CYP1A2: variants seen among roughly 807,000 people sequenced by gnomAD.
CYP1A2 encodes the protein cytochrome P450 family 1 subfamily A member 2.
Under a neutral mutation model 34.7 loss-of-function variants are expected in CYP1A2, and 35 were observed. That is an observed-to-expected ratio of 1.01 (90% CI 0.77 to 1.34). CYP1A2 has a LOEUF of 1.34. Ranked by LOEUF, CYP1A2 falls within the 40% of genes most tolerant of loss-of-function variation. CYP1A2 has a pLI of 0.00. For missense variants in CYP1A2, 675 were observed against 675.8 expected (o/e 1.00, Z 0.01); for synonymous variants, 288 against 281.9 (o/e 1.02, Z -0.22).
chr15:74,750,666 C>T (rs1262942023), intron 2 of CYP1A2, 97 bp downstream of exon 2: 3 of 1,087,150 alleles, frequency 2.8e-6, no homozygotes, highest in Non-Finnish European at 4.0e-6. Flanking sequence ...GCTGTGTTGC[C>T]AAGGCCTAGG....
intron 6 of CYP1A2, among the ~76,000 whole-genome samples, chr15:74,754,252 A>G (rs1478879302): frequency 6.6e-6 from 1 of 151,878 alleles, no homozygotes; most frequent in African/African-American, 2.4e-5. Context: ...TTTAAAGTAA[A>G]TTAATATTAA....
rs1567204937 is a variant in CYP1A2, at chr15:74,749,906, C to T, written c.168C>T (p.Thr56=). The T allele has an allele frequency of 4.3e-6, 7 of 1,610,540 alleles. No homozygotes were observed. The highest frequency in any genetic ancestry group is 1.3e-5 in the African/African-American group (1 of 74,970). Residue 56 remains threonine (T), a synonymous_variant, in exon 2 of 7, where the codon ACC becomes ACT. Coordinates refer to ENST00000343932, the MANE Select transcript of CYP1A2 (RefSeq NM_000761.5). The stretch of plus-strand genomic sequence containing the variant: ...GGCCCTTGCTCGGGCATGTGCTGAC[C>T]CTGGGGAAGAACCCGCACCTGGCAC... The part of the protein sequence containing the change: ...WGWPLLGHVL[T]LGKNPHLALS...
rs139412032 is a variant in CYP1A2 at position 74,750,148 on chromosome 15, G to A, written c.410G>A (p.Arg137Gln). ...TCTGGACCGGTGTGGGCTGCCCGCC[G>A]GCGCCTGGCCCAGAATGCCCTCAAC... The part of the protein sequence containing the change: ...TDSGPVWAAR[R>Q]RLAQNALNTF... Residue 137 changes from arginine to glutamine, a missense_variant, in exon 2 of 7, where the codon CGG becomes CAG. Arg to Gln is a conservative substitution (Grantham distance 43). Coordinates refer to ENST00000343932, the MANE Select transcript of CYP1A2 (RefSeq NM_000761.5). 17 of 1,613,948 alleles carry A rather than the reference G, an allele frequency of 1.1e-5. No homozygotes were observed. Among genetic ancestry groups the A allele is most frequent in the African/African-American group, 9.3e-5 (7 of 74,912 alleles).
chr15:74,755,063 C>T lies in CYP1A2; in HGVS notation c.1526C>T (p.Ala509Val), dbSNP rs778132807. ...MKHARCEHVQ[A>V]RLRFSIN ...CACGCCCGCTGTGAACATGTCCAGG[C>T]GCGGCTGCGCTTCTCCATCAATTGA... The change falls in exon 7 of 7, where the codon GCG becomes GTG. Residue 509 changes from alanine to valine, a missense_variant. Physicochemically the swap from Ala to Val is moderately conservative, Grantham distance 64. Coordinates refer to ENST00000343932, the MANE Select transcript of CYP1A2 (RefSeq NM_000761.5). 1.2e-5 allele frequency: 20 copies of T among 1,609,814 alleles called. No homozygotes were observed. The highest frequency in any genetic ancestry group is 6.7e-5 in the East Asian group (3 of 44,822).
chr15:74,750,316 TG>T lies in CYP1A2; in HGVS notation c.580del (p.Val194CysfsTer27). The T allele has an allele frequency of 8.1e-6, 13 of 1,613,716 alleles. No individual in the cohort carries two copies. The highest frequency in any genetic ancestry group is 1.1e-5 in the Non-Finnish European group (13 of 1,179,934). ...PGHFDPYNQVVVSVANVIGAM... is the reference protein window; with the variant it reads ...PGHFDPYNQVXVSVANVIGAM... ...CACTTCGACCCTTACAATCAGGTGG[TG>T]GTGTCAGTGGCCAACGTCATTGGTG... On this transcript the variant is annotated frameshift_variant, in exon 2 of 7. Coordinates refer to ENST00000343932, the MANE Select transcript of CYP1A2 (RefSeq NM_000761.5). LOFTEE classifies it high-confidence loss of function.
At position 74,750,113 on chromosome 15, in the gene CYP1A2, C is replaced by A. The variant is rs141543251; in HGVS notation, c.375C>A (p.Phe125Leu). The change falls in exon 2 of 7, where the codon TTC (phenylalanine) becomes TTA (leucine). Residue 125 changes from phenylalanine (F) to leucine (L), a missense_variant. Physicochemically the swap from Phe to Leu is conservative, Grantham distance 22. Coordinates refer to ENST00000343932, the MANE Select transcript of CYP1A2 (RefSeq NM_000761.5). ...TCACTGATGGCCAGAGCTTGACCTT[C>A]AGCACAGACTCTGGACCGGTGTGGG... ...TLITDGQSLT[F>L]STDSGPVWAA... 2.2e-5 allele frequency: 35 copies of A among 1,614,074 alleles called. No individual in the cohort carries two copies. The African/African-American group carries it at 3.7e-4, about 17-fold the overall frequency.
chr15:74,751,405 T>G (rs1253278419), intron 3 of CYP1A2, 96 bp downstream of exon 3: 1 of 1,518,008 alleles, frequency 6.6e-7, no homozygotes, highest in East Asian at 2.2e-5. Context: ...CCACCAACCC[T>G]ACACCAGATG....
Position 74,750,084 on chromosome 15 carries a change from C to G in CYP1A2, c.346C>G (p.Leu116Val), listed in dbSNP as rs377141209. 8 of 1,613,970 alleles carry G rather than the reference C, an allele frequency of 5.0e-6. No homozygotes were observed. Among genetic ancestry groups the G allele is most frequent in the South Asian group, 1.1e-5 (1 of 91,088 alleles). Residue 116 changes from leucine to valine, a missense_variant, in exon 2 of 7, where the codon CTC becomes GTC. Leu to Val is a conservative substitution (Grantham distance 32). Transcript: ENST00000343932. ...KGRPDLYTST[L>V]ITDGQSLTFS... is the part of the protein sequence containing the mutation. ...CCGGCCTGACCTCTACACCTCCACC[C>G]TCATCACTGATGGCCAGAGCTTGAC...
At position 74,755,193 on chromosome 15, in the gene CYP1A2, C is replaced by T. The variant is rs1276403237; in HGVS notation, c.*105C>T. Reference sequence around the variant, plus strand: ...TTTTTTAAAAAATAGCAGCTTTAGCCAAGTGCAGGGCCTGTAATCCCAGCA... The same window carrying T: ...TTTTTTAAAAAATAGCAGCTTTAGCTAAGTGCAGGGCCTGTAATCCCAGCA... On this transcript the variant is annotated 3_prime_UTR_variant, in exon 7 of 7. Transcript: ENST00000343932. The T allele has an allele frequency of 1.6e-6, 2 of 1,281,942 alleles. No homozygotes were observed. Among genetic ancestry groups the T allele is most frequent in the Non-Finnish European group, 2.1e-6 (2 of 941,524 alleles). 79.4% of individuals were successfully genotyped at this position (1,281,942 alleles called of 1,614,324 possible).
rs751510035 is a variant in CYP1A2 at position 74,752,217 on chromosome 15, C to A, written c.1136C>A (p.Ser379Tyr). Residue 379 changes from serine to tyrosine, a missense_variant, in exon 5 of 7, where the codon TCC becomes TAC. Ser to Tyr is a moderately radical substitution (Grantham distance 144). Transcript: ENST00000343932. ...TTCATCCTGGAGACCTTCCGACACT[C>A]CTCCTTCTTGCCCTTCACCATCCCC... ...EAFILETFRH[S>Y]SFLPFTIPHS... 1.9e-6 allele frequency: 3 copies of A among 1,614,068 alleles called. No individual in the cohort carries two copies. Among genetic ancestry groups the A allele is most frequent in the Non-Finnish European group, 2.5e-6 (3 of 1,179,972 alleles).
intron 2 of CYP1A2, 123 bp from the exon 3 acceptor site, chr15:74,751,064 CCT>C: frequency 7.4e-7 from 1 of 1,350,710 alleles, no homozygotes. Context: ...CAACCCCCTG[CCT>C]AGAGACCAAG....
chr15:74,754,427 C>CA (rs61283447), intron 6 of CYP1A2, among the ~76,000 whole-genome samples: 5,475 of 51,966 alleles, frequency 0.11, 297 homozygotes, highest in South Asian at 0.25. Context: ...CCCGTCTCTG[C>CA]AAAAAAAAAA....
chr15:74,754,850 C>A lies in CYP1A2; in HGVS notation c.1313C>A (p.Thr438Asn), dbSNP rs45486893. Residue 438 changes from threonine to asparagine, a missense_variant, in exon 7 of 7, where the codon ACT becomes AAT. Physicochemically the swap from Thr to Asn is moderately conservative, Grantham distance 65 (BLOSUM62 0). Coordinates refer to ENST00000343932, the MANE Select transcript of CYP1A2 (RefSeq NM_000761.5). ...GAGCGGTTCCTCACCGCCGATGGCA[C>A]TGCCATTAACAAGCCCTTGAGTGAG... ...RPERFLTADGTAINKPLSEKM... is the reference protein window; with the variant it reads ...RPERFLTADGNAINKPLSEKM... 1.9e-6 allele frequency: 3 copies of A among 1,614,070 alleles called. No homozygotes were observed. Among genetic ancestry groups the A allele is most frequent in the Non-Finnish European group, 2.5e-6 (3 of 1,180,050 alleles).
Position 74,755,275 on chromosome 15 carries a change from G to C in CYP1A2, c.*187G>C. The C allele has an allele frequency of 2.9e-6, 2 of 681,432 alleles. No homozygotes were observed. Among genetic ancestry groups the C allele is most frequent in the Admixed American group, 6.3e-5 (2 of 31,750 alleles). The allele number at this position is 681,432 out of a possible 1,614,324, so 42.2% of individuals were successfully genotyped here. ...AGCCCAGGAATTGGAAAGCAGCCTG[G>C]CCAACATAGTGGGACCCTGTCTCTA... On this transcript the variant is annotated 3_prime_UTR_variant, in exon 7 of 7. Transcript: ENST00000343932.
intron 2 of CYP1A2, 77 bp downstream of exon 2, chr15:74,750,646 C>A: frequency 7.9e-7 from 1 of 1,262,180 alleles, no homozygotes; most frequent in Non-Finnish European, 1.1e-6. Context: ...TCCAGCATGC[C>A]CACACAGCTG....
rs560219459 is a variant in CYP1A2, at chr15:74,750,690, C to A, written c.831+121C>A. On this transcript the variant is annotated intron_variant, in intron 2 of 6. Transcript: ENST00000343932. Reference sequence around the variant, plus strand: ...CCAAGGCCTAGGAAGGCTCTGGACACCTCAGACCAGCTGTGTGACCTGGAG... The same window carrying A: ...CCAAGGCCTAGGAAGGCTCTGGACAACTCAGACCAGCTGTGTGACCTGGAG... 3.8e-6 allele frequency: 3 copies of A among 797,760 alleles called. No homozygotes were observed. In the Admixed American group the frequency reaches 7.8e-5, roughly 21 times the overall value. 49.4% of individuals were successfully genotyped at this position (797,760 alleles called of 1,614,324 possible).
rs752037611 is a variant in CYP1A2, at chr15:74,749,974, G to T, written c.236G>T (p.Arg79Leu). 23 of 1,613,946 alleles carry T rather than the reference G, an allele frequency of 1.4e-5. No homozygotes were observed. The highest frequency in any genetic ancestry group is 1.8e-5 in the Non-Finnish European group (21 of 1,179,998). The change falls in exon 2 of 7, where the codon CGC (arginine) becomes CTC (leucine). Residue 79 changes from arginine to leucine, a missense_variant. Arg to Leu is a moderately radical substitution (Grantham distance 102, BLOSUM62 -2). Coordinates refer to ENST00000343932, the MANE Select transcript of CYP1A2 (RefSeq NM_000761.5). ...SQRYGDVLQI[R>L]IGSTPVLVLS... ...CGCTACGGGGACGTCCTGCAGATCC[G>T]CATTGGCTCCACGCCCGTGCTGGTG...
intron 3 of CYP1A2, 72 bp downstream of exon 3, chr15:74,751,381 GTC>G: frequency 6.3e-7 from 1 of 1,589,618 alleles, no homozygotes; most frequent in South Asian, 1.2e-5. Context: ...CAGCCCCTCA[GTC>G]CATGAAATAA....
rs1185405183 is a variant in CYP1A2, at chr15:74,755,357, AAAAAC to A, written c.*273_*277del. The A allele has an allele frequency of 6.6e-6, 2 of 304,886 alleles. No homozygotes were observed. Among genetic ancestry groups the A allele is most frequent in the African/African-American group, 2.3e-5 (1 of 42,652 alleles). The allele number at this position is 304,886 out of a possible 1,614,324, so 18.9% of individuals were successfully genotyped here. ...CAGAGCAAGACCCCATCTCAAAAAA[AAAAAC>A]AAACAAACAAAAAAAAAACCATATA... On this transcript the variant is annotated 3_prime_UTR_variant, in exon 7 of 7. Coordinates refer to ENST00000343932, the MANE Select transcript of CYP1A2 (RefSeq NM_000761.5).
Sources: allele counts gnomAD v4.1 joint callset (sites outside exome capture counted in the v4.1 genomes callset), GRCh38; gene constraint gnomAD v4.1.1; transcripts MANE v1.5; gene names NCBI Gene and HGNC (gene_info 2026-07-23, HGNC 2026-07-21).